PANK1: variants seen among roughly 807,000 people sequenced by gnomAD.
PANK1 encodes the protein pantothenic acid kinase 1.
A neutral mutation model predicts 40.1 loss-of-function variants in PANK1; 18 were observed. That is an observed-to-expected ratio of 0.45 (90% CI 0.31 to 0.67). The LOEUF (loss-of-function observed/expected upper bound fraction) is 0.67. PANK1 is among the 30% of genes least tolerant of loss of function. The pLI, the probability that PANK1 is intolerant of heterozygous loss-of-function variation, is 0.06. For synonymous variants in PANK1, 242 were observed against 237.7 expected, an observed-to-expected ratio of 1.02 and a Z score of -0.17; for missense variants, 457 against 599.6, an observed-to-expected ratio of 0.76 and a Z score of 2.48.
intron 5 of PANK1, chr10:89,592,770 A>G: frequency 3.7e-6 from 2 of 535,486 alleles, no homozygotes; most frequent in Middle Eastern, 3.2e-4. Flanking sequence ...AGCCCTGTAC[A>G]ATGCTGCTTG....
At chr10:89,630,297 A>G (rs1311442597) in intron 1 of PANK1, among the ~76,000 whole-genome samples, 1 of 152,256 alleles carries the variant, frequency 6.6e-6, no homozygotes, top group African/African-American at 2.4e-5. Flanking sequence ...TTAATCCAGC[A>G]GCAGCAGCAA....
At chr10:89,598,005 G>C (rs1489720453) in intron 3 of PANK1, among the ~76,000 whole-genome samples, 1 of 152,218 alleles carries the variant, frequency 6.6e-6, no homozygotes, top group Non-Finnish European at 1.5e-5. Context: ...ATGTGTGTGT[G>C]TGTTTGTGTG....
At position 89,584,389 on chromosome 10, in the gene PANK1, T is replaced by G; in HGVS notation, c.*17A>C. 3.2e-6 allele frequency: 5 copies of G among 1,556,202 alleles called. No homozygotes were observed. Among genetic ancestry groups the G allele is most frequent in the Non-Finnish European group, 4.4e-6 (5 of 1,127,624 alleles). ...TTCTCTGTCCTTTTGGGAGGCTGTT[T>G]CCTCCACTGCTCGTCTCTACTTGTC... On this transcript the variant is annotated 3_prime_UTR_variant, in exon 7 of 7. Transcript: ENST00000307534.
At chr10:89,587,045 C>A (rs1193158978) in intron 6 of PANK1, among the ~76,000 whole-genome samples, 1 of 151,996 alleles carries the variant, frequency 6.6e-6, no homozygotes, top group Non-Finnish European at 1.5e-5. Context: ...ATTGCTTGAA[C>A]CTGGGAGGTG....
chr10:89,598,273 A>G (rs1423506372), intron 3 of PANK1, among the ~76,000 whole-genome samples: 1 of 152,220 alleles, frequency 6.6e-6, no homozygotes, highest in Non-Finnish European at 1.5e-5. Flanking sequence ...TCTCCTCCTA[A>G]TGGGTGAGTA....
chr10:89,640,915 G>A (rs1047256567), intron 1 of PANK1, among the ~76,000 whole-genome samples: 9 of 152,162 alleles, frequency 5.9e-5, no homozygotes, highest in Admixed American at 5.2e-4. Flanking sequence ...TCACTTACTG[G>A]TCTTTTGGAG....
At chr10:89,618,844 A>C (rs1845396035) in intron 1 of PANK1, among the ~76,000 whole-genome samples, 1 of 152,274 alleles carries the variant, frequency 6.6e-6, no homozygotes, top group Non-Finnish European at 1.5e-5. Flanking sequence ...CTCAAAGTAA[A>C]GATGAATCAG....
intron 6 of PANK1, among the ~76,000 whole-genome samples, chr10:89,585,697 T>C (rs1207200952): frequency 6.6e-6 from 1 of 152,186 alleles, no homozygotes; most frequent in African/African-American, 2.4e-5. Flanking sequence ...TAAAACGCAG[T>C]GTTCTTAACT....
At chr10:89,594,565 C>T (rs1844507989) in intron 3 of PANK1, among the ~76,000 whole-genome samples, 1 of 152,150 alleles carries the variant, frequency 6.6e-6, no homozygotes, top group Non-Finnish European at 1.5e-5. Context: ...TCTCATTTAG[C>T]CTCCTTGAAT....
intron 1 of PANK1, 64 bp downstream of exon 1, chr10:89,644,536 C>T: frequency 1.4e-6 from 2 of 1,452,624 alleles, no homozygotes; most frequent in Non-Finnish European, 1.9e-6. Flanking sequence ...TCAGCCGCTC[C>T]CAGTCCCGGG....
chr10:89,579,630 T>A (rs1844017827), downstream of PANK1: 1 of 152,202 alleles, frequency 6.6e-6, no homozygotes, highest in Non-Finnish European at 1.5e-5. Context: ...GAAAGCAAGG[T>A]GAGCCCATCA....
intron 3 of PANK1, among the ~76,000 whole-genome samples, chr10:89,596,926 T>G (rs1375454848): frequency 6.6e-6 from 1 of 152,234 alleles, no homozygotes; most frequent in Non-Finnish European, 1.5e-5. Context: ...TTTCTTCCAT[T>G]GACTTCTATA....
intron 1 of PANK1, among the ~76,000 whole-genome samples, chr10:89,629,688 C>A (rs2133013782): frequency 6.6e-6 from 1 of 152,300 alleles, no homozygotes; most frequent in Admixed American, 6.5e-5. Context: ...TGGAAACTGT[C>A]CCTTACGGAT....
chr10:89,643,892 T>C lies in PANK1; in HGVS notation c.292+708A>G, dbSNP rs1842034406. ...AGATTGTGAAATAATGCACTTCGGC[T>C]TTCTCCGGTGTACATTACAATTACA... On this transcript the variant is annotated intron_variant, in intron 1 of 6. Transcript: ENST00000307534. The C allele has an allele frequency of 2.8e-6, 4 of 1,417,486 alleles. No individual in the cohort carries two copies. In the South Asian group the frequency reaches 6.3e-5, roughly 22 times the overall value. The allele number at this position is 1,417,486 out of a possible 1,614,324, so 87.8% of individuals were successfully genotyped here.
At chr10:89,614,433 G>A (rs1845256319) in intron 1 of PANK1, among the ~76,000 whole-genome samples, 1 of 152,178 alleles carries the variant, frequency 6.6e-6, no homozygotes. Context: ...AACAAGATGA[G>A]TGCCCTTTAA....
At chr10:89,592,002 C>A (rs1464512016) in intron 5 of PANK1, among the ~76,000 whole-genome samples, 1 of 152,154 alleles carries the variant, frequency 6.6e-6, no homozygotes, top group Non-Finnish European at 1.5e-5. Context: ...ACATATTGGT[C>A]TTGGGGCTTG....
intron 3 of PANK1, among the ~76,000 whole-genome samples, chr10:89,595,858 AT>A (rs1844576092): frequency 8.4e-6 from 1 of 119,636 alleles, no homozygotes; most frequent in Non-Finnish European, 1.7e-5. Flanking sequence ...ATATATATAT[AT>A]ATATATATAT....
In PANK1 at chr10:89,584,431, A is replaced by C; in HGVS notation, c.1361T>G (p.Leu454Arg). The C allele has an allele frequency of 6.2e-7, 1 of 1,608,812 alleles. No individual in the cohort carries two copies. Among genetic ancestry groups the C allele is most frequent in the South Asian group, 1.1e-5 (1 of 90,914 alleles). ...YFGAVGALLELFKMTDDK is the reference protein window; with the variant it reads ...YFGAVGALLERFKMTDDK ...CTACTTGTCATCAGTCATTTTGAAC[A>C]GTTCCAACAGTGCCCCAACGGCTCC... is the stretch of plus-strand genomic sequence containing the variant. Residue 454 changes from leucine (L) to arginine (R), a missense_variant, in exon 7 of 7, where the codon CTG becomes CGG. By Grantham distance (102) the Leu-to-Arg change is moderately radical (BLOSUM62 -2). Around this residue, in one of 4 missense-constraint regions of PANK1, gnomAD observed 22 missense variants for 24.6 expected, o/e 0.89. Transcript: ENST00000307534.
chr10:89,611,544 A>G, intron 2 of PANK1, 152 bp downstream of exon 2: 1 of 602,602 alleles, frequency 1.7e-6, no homozygotes, highest in South Asian at 2.3e-5. Context: ...AGCTGTTTTT[A>G]TTCTTGTATA....
Sources: gnomAD v4.1 joint callset for allele counts (sites outside exome capture counted in the v4.1 genomes callset) on GRCh38, gnomAD v4.1.1 for gene constraint, gnomAD v4.1.1 regional missense constraint, MANE v1.5 for transcripts, NCBI Gene and HGNC (gene_info 2026-07-23, HGNC 2026-07-21) for gene names.